The following TTC6 variants were observed in gnomAD, a reference collection of about 807,000 sequenced individuals.
The protein encoded by TTC6 is tetratricopeptide repeat domain 6, also known as tetratricopeptide repeat protein 6.
In TTC6, 172 loss-of-function variants were observed where a neutral mutation model predicts 210.4. The observed-to-expected ratio is 0.82, with a 90% CI of 0.72 to 0.93. The LOEUF is 0.93. Among genes scored for constraint, TTC6 ranks in the 40% least tolerant of loss-of-function variants. TTC6 has a pLI of 0.00. For missense variants in TTC6, 2,414 were observed against 2,318.1 expected (o/e 1.04, Z -0.85); for synonymous variants, 804 against 819.6 (o/e 0.98, Z 0.32).
chr14:37,621,516 G>A (rs1252652293), upstream of TTC6, among the ~76,000 whole-genome samples: 1 of 152,156 alleles, frequency 6.6e-6, no homozygotes, highest in African/African-American at 2.4e-5. Context: ...GGCTTAGGTG[G>A]GAGGATCGCT....
chr14:37,823,985 A>T lies in TTC6; in HGVS notation c.4974+28A>T, dbSNP rs775318152. 8 of 1,600,496 alleles carry T rather than the reference A, an allele frequency of 5.0e-6. No individual in the cohort carries two copies. The African/African-American group carries it at 6.7e-5, about 13-fold the overall frequency. Reference sequence around the variant, plus strand: ...AATATAGCAACATTTTGAGCATTAAAAGCATGTTTTGGGGAGAAAGAATAT... The same window carrying T: ...AATATAGCAACATTTTGAGCATTAATAGCATGTTTTGGGGAGAAAGAATAT... On this transcript the variant is annotated intron_variant, in intron 27 of 30. Coordinates refer to ENST00000553443, the Ensembl canonical transcript of TTC6.
At chr14:37,601,185 C>G (rs985100023) in intron 1 of TTC6, among the ~76,000 whole-genome samples, 1 of 152,226 alleles carries the variant, frequency 6.6e-6, no homozygotes, top group African/African-American at 2.4e-5. Context: ...AACTTTGCAG[C>G]CTTTCACAAA....
At chr14:37,753,129 G>A in exon 14 of TTC6, 1 of 1,534,886 alleles carries the variant, frequency 6.5e-7, no homozygotes. Flanking sequence ...AAGAACAGAT[G>A]CATTATTGAA....
chr14:37,669,725 A>T (rs1223713422), intron 1 of TTC6, among the ~76,000 whole-genome samples: 1 of 152,164 alleles, frequency 6.6e-6, no homozygotes, highest in Non-Finnish European at 1.5e-5. Context: ...AGGCAAGATT[A>T]TTTATCTTTT....
intron 29 of TTC6, among the ~76,000 whole-genome samples, chr14:37,828,741 G>T (rs2096177965): frequency 1.3e-5 from 2 of 148,808 alleles, no homozygotes; most frequent in South Asian, 4.1e-4. Context: ...ATATGTCAGG[G>T]TCATTCCTAA....
At chr14:37,792,469 A>G (rs1334393611) in intron 17 of TTC6, 55 bp downstream of exon 19, 2 of 1,354,566 alleles carry the variant, frequency 1.5e-6, no homozygotes, top group African/African-American at 3.0e-5. Context: ...TTTTCTGGAT[A>G]TTTGTTCAAC....
intron 1 of TTC6, among the ~76,000 whole-genome samples, chr14:37,632,432 G>T (rs182072027): frequency 6.6e-6 from 1 of 152,180 alleles, no homozygotes; most frequent in Non-Finnish European, 1.5e-5. Context: ...GTTTGCCTGG[G>T]TATCACCAGT....
chr14:37,688,151 G>A (rs956871888), intron 3 of TTC6, among the ~76,000 whole-genome samples: 1 of 152,186 alleles, frequency 6.6e-6, no homozygotes, highest in Non-Finnish European at 1.5e-5. Flanking sequence ...ATTGGCAGGA[G>A]TCTGGCAATA....
intron 5 of TTC6, among the ~76,000 whole-genome samples, chr14:37,707,804 C>G (rs1467246891): frequency 2.0e-5 from 3 of 151,920 alleles, no homozygotes; most frequent in Non-Finnish European, 4.4e-5. Flanking sequence ...TCTGGCTACC[C>G]AAAGTTAATA....
chr14:37,759,218 G>A (rs994156318), intron 14 of TTC6, among the ~76,000 whole-genome samples: 13 of 148,714 alleles, frequency 8.7e-5, no homozygotes, highest in Admixed American at 6.1e-4. Flanking sequence ...AGCCGAGATC[G>A]CACCACTGTA....
chr14:37,724,893 C>G lies in TTC6; in HGVS notation c.1714-5C>G, dbSNP rs1219274238. 8 of 1,490,990 alleles carry G rather than the reference C, an allele frequency of 5.4e-6. No individual in the cohort carries two copies. The highest frequency in any genetic ancestry group is 7.2e-6 in the Non-Finnish European group (8 of 1,114,410). 92.4% of individuals were successfully genotyped at this position (1,490,990 alleles called of 1,614,324 possible). On this transcript the variant is annotated splice_region_variant and splice_polypyrimidine_tract_variant and intron_variant, in intron 6 of 30. Coordinates refer to ENST00000553443, the Ensembl canonical transcript of TTC6. ...TTCTAATAACCTTTTATGTTATTTT[C>G]AAAGATGTATGCTTATCCAGAATTC...
chr14:37,646,468 A>G (rs889602429), intron 1 of TTC6, among the ~76,000 whole-genome samples: 1 of 152,180 alleles, frequency 6.6e-6, no homozygotes, highest in Admixed American at 6.5e-5. Context: ...TAGGATGGAT[A>G]GGAAAAAAGA....
intron 14 of TTC6, among the ~76,000 whole-genome samples, chr14:37,781,457 A>G (rs2096054551): frequency 6.6e-6 from 1 of 151,936 alleles, no homozygotes; most frequent in Non-Finnish European, 1.5e-5. Context: ...TCCTTTGCCC[A>G]TTTTTTGATG....
chr14:37,689,114 A>G (rs1357524014), intron 3 of TTC6, among the ~76,000 whole-genome samples: 4 of 150,568 alleles, frequency 2.7e-5, no homozygotes, highest in African/African-American at 9.9e-5. Flanking sequence ...TTAACAAAGA[A>G]ATTGAAATAA....
chr14:37,606,249 G>A (rs1358277358), intron 1 of TTC6, among the ~76,000 whole-genome samples: 1 of 152,124 alleles, frequency 6.6e-6, no homozygotes, highest in African/African-American at 2.4e-5. Flanking sequence ...TTTGGTAGGG[G>A]ACTCTGGGGG....
chr14:37,611,952 T>C lies in TTC6; in HGVS notation c.-155+5210T>C, dbSNP rs1316190866. Among the ~76,000 whole-genome samples the C allele has an allele frequency of 3.3e-5, 5 of 152,130 alleles. No individual in the cohort carries two copies. The East Asian group carries it at 7.7e-4, about 23-fold the overall frequency. On this transcript the variant is annotated intron_variant, in intron 2 of 2. Transcript: ENST00000556845. ...AAACCCACGACCCACAATGGAACTG[T>C]TGCAAACTACTGCTGCAGAAATTTA...
chr14:37,818,557 G>C (rs778322215), intron 26 of TTC6, among the ~76,000 whole-genome samples: 7 of 152,134 alleles, frequency 4.6e-5, no homozygotes, highest in Non-Finnish European at 8.8e-5. Context: ...ACCCAGTTTA[G>C]AGAGTGAAAC....
exon 17 of TTC6, chr14:37,792,378 T>A: frequency 6.6e-7 from 1 of 1,522,702 alleles, no homozygotes; most frequent in Non-Finnish European, 8.8e-7. Flanking sequence ...CTTTATGTAT[T>A]CAAAGCTATC....
intron 1 of TTC6, among the ~76,000 whole-genome samples, chr14:37,605,555 A>G (rs964470818): frequency 2.0e-5 from 3 of 152,160 alleles, no homozygotes; most frequent in Non-Finnish European, 2.9e-5. Flanking sequence ...TTTACAGCTT[A>G]CTTGGGAGAG....
Sources: allele counts gnomAD v4.1 joint callset (sites outside exome capture counted in the v4.1 genomes callset), GRCh38; gene constraint gnomAD v4.1.1; transcripts MANE v1.5; gene names NCBI Gene and HGNC (gene_info 2026-07-23, HGNC 2026-07-21).